The following PSD3 variants were observed in gnomAD, a reference collection of about 807,000 sequenced individuals.
The protein encoded by PSD3 is PH and SEC7 domain-containing protein 3.
Under a neutral mutation model 105.5 loss-of-function variants are expected in PSD3, and 49 were observed. That is an observed-to-expected ratio of 0.46 (90% CI 0.37 to 0.59). PSD3 has a LOEUF of 0.59. Among genes scored for constraint, PSD3 ranks in the 20% least tolerant of loss-of-function variants. The pLI is 0.00. For missense variants in PSD3, 1,561 were observed against 1,263.8 expected (o/e 1.24, Z -3.57); for synonymous variants, 557 against 457.8 (o/e 1.22, Z -2.77).
chr8:18,762,413 T>C (rs752221362), intron 9 of PSD3, among the ~76,000 whole-genome samples: 2 of 152,192 alleles, frequency 1.3e-5, no homozygotes, highest in Admixed American at 6.5e-5. Flanking sequence ...ATGATCAAAA[T>C]AAACCTCTGT....
chr8:18,736,156 T>C (rs534649901), intron 9 of PSD3, among the ~76,000 whole-genome samples: 1 of 152,302 alleles, frequency 6.6e-6, no homozygotes, highest in Admixed American at 6.5e-5. Context: ...TCTCACGTAA[T>C]TTCTATAACC....
At chr8:18,540,553 T>C (rs1800098212) in intron 15 of PSD3, among the ~76,000 whole-genome samples, 1 of 152,150 alleles carries the variant, frequency 6.6e-6, no homozygotes, top group South Asian at 2.1e-4. Context: ...CTCACATCCT[T>C]TCAGTCAGCA....
intron 11 of PSD3, among the ~76,000 whole-genome samples, chr8:18,624,357 A>G (rs556172947): frequency 1.3e-5 from 2 of 152,134 alleles, no homozygotes; most frequent in Admixed American, 1.3e-4. Flanking sequence ...ATAAGGTTGA[A>G]TATGTCTTCA....
chr8:18,627,923 A>G (rs1213300832), intron 11 of PSD3, among the ~76,000 whole-genome samples: 3 of 152,076 alleles, frequency 2.0e-5, no homozygotes, highest in Non-Finnish European at 4.4e-5. Flanking sequence ...AATTATAAAC[A>G]GAATAAATAT....
In PSD3 at chr8:18,803,274, G is replaced by A. The variant is rs570542450; in HGVS notation, c.1910+1248C>T. The A allele has an allele frequency of 6.3e-4, 64 of 101,686 alleles. 1 individual carries two copies. The South Asian group carries it at 0.019, about 30-fold the overall frequency. 6.3% of individuals were successfully genotyped at this position (101,686 alleles called of 1,614,324 possible). A position where few individuals can be genotyped will look rare whatever the true frequency, so the allele number is the denominator to read the frequency against. ...TGCACTCCAGCCTGGGTGACAGAGC[G>A]AGACTCTGTCTCCAAAAAAAAAAAA... On this transcript the variant is annotated intron_variant, in intron 6 of 15. Transcript: ENST00000327040.
intron 2 of PSD3, among the ~76,000 whole-genome samples, chr8:18,935,511 TA>T (rs5889837): frequency 0.5 from 68,442 of 137,964 alleles, 18,043 homozygotes; most frequent in East Asian, 0.81. Context: ...CCCTGTCTCT[TA>T]AAAAAAAAAA....
intron 8 of PSD3, among the ~76,000 whole-genome samples, chr8:18,766,967 T>A (rs1295908810): frequency 1.3e-5 from 2 of 152,198 alleles, no homozygotes; most frequent in Non-Finnish European, 2.9e-5. Flanking sequence ...CAGGGAGATA[T>A]GCAAACCTGA....
At chr8:18,737,671 T>C (rs1054951380) in intron 9 of PSD3, among the ~76,000 whole-genome samples, 1 of 152,176 alleles carries the variant, frequency 6.6e-6, no homozygotes, top group Non-Finnish European at 1.5e-5. Context: ...TATAAATAAG[T>C]CTTGCAAATA....
At chr8:18,653,177 C>T (rs896969439) in intron 10 of PSD3, among the ~76,000 whole-genome samples, 10 of 152,016 alleles carry the variant, frequency 6.6e-5, no homozygotes, top group African/African-American at 2.2e-4. Flanking sequence ...TGAAATATGG[C>T]AAAACTCAGA....
chr8:18,924,703 T>C (rs778777212), intron 2 of PSD3: 2 of 152,212 alleles, frequency 1.3e-5, no homozygotes, highest in Non-Finnish European at 2.9e-5. Flanking sequence ...TGTCTTGCTC[T>C]CCAGGAATTC....
chr8:18,903,734 G>C (rs1021168805), intron 2 of PSD3, among the ~76,000 whole-genome samples: 2 of 152,162 alleles, frequency 1.3e-5, no homozygotes, highest in Admixed American at 6.5e-5. Flanking sequence ...GATGGCCCAG[G>C]CACAGTTTCC....
intron 4 of PSD3, chr8:18,865,318 T>G (rs1344211502): frequency 8.3e-6 from 1 of 120,918 alleles, no homozygotes; most frequent in Admixed American, 8.6e-5. Flanking sequence ...TTAAAGGCTA[T>G]CTGAGGCCCC....
chr8:18,709,583 A>G (rs1035059855), intron 9 of PSD3, among the ~76,000 whole-genome samples: 6 of 152,210 alleles, frequency 3.9e-5, no homozygotes, highest in Non-Finnish European at 7.3e-5. Flanking sequence ...CTCATACAGC[A>G]GAGTTCTGGC....
At chr8:18,697,238 G>A (rs1285463598) in intron 9 of PSD3, among the ~76,000 whole-genome samples, 1 of 152,136 alleles carries the variant, frequency 6.6e-6, no homozygotes, top group African/African-American at 2.4e-5. Flanking sequence ...GCTCGACAGC[G>A]ACATGGGGTG....
chr8:18,883,837 T>C (rs1818281827), intron 2 of PSD3, among the ~76,000 whole-genome samples: 1 of 152,226 alleles, frequency 6.6e-6, no homozygotes, highest in African/African-American at 2.4e-5. Flanking sequence ...TTATAAATTA[T>C]GGCTAACCCA....
At chr8:18,648,025 A>G (rs779424491) in intron 10 of PSD3, among the ~76,000 whole-genome samples, 107 of 152,340 alleles carry the variant, frequency 7.0e-4, no homozygotes, top group Non-Finnish European at 1.3e-3. Context: ...CCATCAGCCA[A>G]TTAAACTTCT....
chr8:19,071,573 G>A (rs1829263709), intron 1 of PSD3, among the ~76,000 whole-genome samples: 1 of 152,178 alleles, frequency 6.6e-6, no homozygotes, highest in Non-Finnish European at 1.5e-5. Flanking sequence ...CTGGAAAGCG[G>A]GGAGAAAGAC....
At chr8:19,079,523 A>G (rs17469836) in intron 1 of PSD3, among the ~76,000 whole-genome samples, 58,501 of 152,102 alleles carry the variant, frequency 0.38, 13,941 homozygotes, top group Non-Finnish European at 0.54. Context: ...ACAACTTTTA[A>G]ACTTATGACA....
At chr8:18,916,905 G>T (rs1020677231) in intron 2 of PSD3, among the ~76,000 whole-genome samples, 4 of 151,512 alleles carry the variant, frequency 2.6e-5, no homozygotes, top group Non-Finnish European at 5.9e-5. Context: ...AGGAAATAAG[G>T]GAGAGAAGTC....
Sources: gnomAD v4.1 joint callset for allele counts (sites outside exome capture counted in the v4.1 genomes callset) on GRCh38, gnomAD v4.1.1 for gene constraint, MANE v1.5 for transcripts, NCBI Gene and HGNC (gene_info 2026-07-23, HGNC 2026-07-21) for gene names.